Variants in PLS3 observed in about 807,000 individuals in gnomAD.
PLS3 encodes plastin-3.
A neutral mutation model predicts 46.5 loss-of-function variants in PLS3; 11 were observed. The observed-to-expected ratio is 0.24, with a 90% CI of 0.15 to 0.39. The LOEUF (loss-of-function observed/expected upper bound fraction) is 0.39. PLS3 is among the 10% of genes least tolerant of loss of function. The pLI is 1.00. For synonymous variants in PLS3, 167 were observed against 162.2 expected (o/e 1.03, Z -0.22); for missense variants, 308 against 461.8 (o/e 0.67, Z 3.05).
chrX:115,629,216 A>G lies in PLS3; in HGVS notation c.256A>G (p.Ser86Gly). Residue 86 changes from serine to glycine, a missense_variant, in exon 4 of 16, where the codon AGT (serine) becomes GGT (glycine). Coordinates refer to ENST00000355899, the MANE Select transcript of PLS3 (RefSeq NM_005032.7). ...TTAATAGATTTTTCAAGAGGTAAAA[A>G]GTAGTGATATTGCCAAGACCTTCCG... ...EFVYIFQEVKSSDIAKTFRKA... is the reference protein window; with the variant it reads ...EFVYIFQEVKGSDIAKTFRKA... 1 of 1,183,393 alleles carries G rather than the reference A, an allele frequency of 8.5e-7. No homozygotes were observed. Among genetic ancestry groups the G allele is most frequent in the Middle Eastern group, 2.3e-4 (1 of 4,276 alleles).
intron 11 of PLS3, 25 bp downstream of exon 11, chrX:115,645,124 A>G: frequency 1.1e-6 from 1 of 902,178 alleles, no homozygotes; most frequent in African/African-American, 1.9e-5. Flanking sequence ...TGCTATTGTA[A>G]ACAGTTACGA....
At chrX:115,578,003 C>T (rs1556631415) in intron 1 of PLS3, among the ~76,000 whole-genome samples, 1 of 111,709 alleles carries the variant, frequency 9.0e-6, no homozygotes, top group African/African-American at 3.3e-5. Flanking sequence ...AGCTTACATC[C>T]TACTAGGGGA....
At chrX:115,569,963 G>A in intron 1 of PLS3, among the ~76,000 whole-genome samples, 1 of 111,479 alleles carries the variant, frequency 9.0e-6, no homozygotes, top group South Asian at 3.8e-4. Flanking sequence ...TAGAGACAGA[G>A]CCTCACCTTG....
chrX:115,573,034 A>G (rs1013977549), intron 1 of PLS3, among the ~76,000 whole-genome samples: 4 of 102,619 alleles, frequency 3.9e-5, no homozygotes, highest in Non-Finnish European at 5.9e-5. Flanking sequence ...CAGAGGTTGC[A>G]GTGAGCCGGG....
At chrX:115,579,339 C>T (rs1556631603) in intron 1 of PLS3, among the ~76,000 whole-genome samples, 1 of 112,014 alleles carries the variant, frequency 8.9e-6, no homozygotes, top group Non-Finnish European at 1.9e-5. Flanking sequence ...TGGGCCATTT[C>T]CAGTTTTTTA....
At chrX:115,611,062 G>A in intron 2 of PLS3, 1 of 380,824 alleles carries the variant, frequency 2.6e-6, no homozygotes, top group Non-Finnish European at 4.6e-6. Flanking sequence ...ATTATTATTT[G>A]GTATCTCCTT....
chrX:115,640,199 C>A, intron 8 of PLS3: 2 of 859,448 alleles, frequency 2.3e-6, no homozygotes, highest in South Asian at 2.4e-5. Flanking sequence ...ATTGCGAAGT[C>A]ATGTCAAAAT....
intron 3 of PLS3, among the ~76,000 whole-genome samples, chrX:115,625,806 C>T (rs2147525083): frequency 9.0e-6 from 1 of 111,639 alleles, no homozygotes; most frequent in South Asian, 3.8e-4. Context: ...GGTTTGGCCA[C>T]TCGTCCTGTG....
chrX:115,643,816 A>G (rs1467988797), intron 10 of PLS3, among the ~76,000 whole-genome samples: 3 of 110,984 alleles, frequency 2.7e-5, no homozygotes, highest in Non-Finnish European at 5.7e-5. Context: ...ACGAAAAATT[A>G]AAAAATTAGC....
intron 1 of PLS3, among the ~76,000 whole-genome samples, chrX:115,575,892 TTGTATAA>T (rs1556631127): frequency 8.9e-6 from 1 of 112,164 alleles, no homozygotes. Context: ...CTAAAACTTA[TTGTATAA>T]TAAACATTTA....
chrX:115,638,054 C>T (rs895585532), intron 8 of PLS3, among the ~76,000 whole-genome samples: 2 of 110,703 alleles, frequency 1.8e-5, no homozygotes, highest in African/African-American at 6.6e-5. Context: ...AAGCAATCTT[C>T]CCACTTCAGC....
chrX:115,623,151 T>C (rs1367612757), intron 3 of PLS3, among the ~76,000 whole-genome samples: 2 of 111,686 alleles, frequency 1.8e-5, no homozygotes, highest in African/African-American at 3.3e-5. Flanking sequence ...TTTAGACTTA[T>C]GCCATTTTCA....
chrX:115,640,300 C>A, intron 8 of PLS3, 108 bp from the exon 9 acceptor site: 1 of 656,860 alleles, frequency 1.5e-6, no homozygotes, highest in Non-Finnish European at 2.4e-6. Context: ...GAGATTTGTG[C>A]CATTTATTCT....
At chrX:115,578,691 C>CAAAAAAAAAAAAAAAAAAAAAAAAA (rs373605509) in intron 1 of PLS3, among the ~76,000 whole-genome samples, 1 of 26,968 alleles carries the variant, frequency 3.7e-5, no homozygotes, top group Non-Finnish European at 6.9e-5. Flanking sequence ...CGCCACTGCA[C>CAAAAAAAAAAAAAAAAAAAAAAAAA]AAAAAAAAAA....
At chrX:115,615,724 G>A (rs1349103425) in intron 2 of PLS3, among the ~76,000 whole-genome samples, 2 of 110,823 alleles carry the variant, frequency 1.8e-5, no homozygotes, top group Non-Finnish European at 3.8e-5. Flanking sequence ...TGCCAGAATT[G>A]TGTTCAGTGA....
chrX:115,580,846 A>AT (rs1362909768), intron 1 of PLS3, among the ~76,000 whole-genome samples: 2 of 112,079 alleles, frequency 1.8e-5, no homozygotes, highest in Admixed American at 9.6e-5. Context: ...AGAAATGTGT[A>AT]TTTTTATGAT....
At chrX:115,591,984 C>T (rs1435083686) in intron 1 of PLS3, among the ~76,000 whole-genome samples, 1 of 111,877 alleles carries the variant, frequency 8.9e-6, no homozygotes, top group East Asian at 2.8e-4. Flanking sequence ...AAAGCACTTC[C>T]ATGAAGGAGA....
At chrX:115,647,421 G>C (rs1180818081) in intron 13 of PLS3, 129 bp from the exon 14 acceptor site, 2 of 646,348 alleles carry the variant, frequency 3.1e-6, no homozygotes, top group African/African-American at 4.5e-5. Context: ...GCGACAGAGC[G>C]AGACTCCGTC....
chrX:115,646,574 A>T, intron 13 of PLS3, 39 bp downstream of exon 13: 1 of 1,149,103 alleles, frequency 8.7e-7, no homozygotes, highest in Non-Finnish European at 1.2e-6. Context: ...CTTTACTATC[A>T]TACAGGTCTG....
Sources: allele counts gnomAD v4.1 joint callset (sites outside exome capture counted in the v4.1 genomes callset), GRCh38; gene constraint gnomAD v4.1.1; transcripts MANE v1.5; gene names NCBI Gene and HGNC (gene_info 2026-07-23, HGNC 2026-07-21).